The following EHBP1 variants were observed in gnomAD, a reference collection of about 807,000 sequenced individuals.
EHBP1 encodes the protein EH domain binding protein 1.
Under a neutral mutation model 144.0 loss-of-function variants are expected in EHBP1, and 55 were observed. The ratio of observed to expected loss-of-function variants is 0.38; its 90% CI spans 0.31 to 0.48. The LOEUF (loss-of-function observed/expected upper bound fraction) is 0.48, where lower values mean the gene tolerates loss of function less well. Among genes scored for constraint, EHBP1 ranks in the 20% least tolerant of loss-of-function variants. The pLI is 0.98. For missense variants in EHBP1, 1,200 were observed against 1,364.2 expected (o/e 0.88, Z 1.90); for synonymous variants, 469 against 472.7 (o/e 0.99, Z 0.10).
At chr2:62,749,599 C>G (rs538182746) in intron 3 of EHBP1, among the ~76,000 whole-genome samples, 1 of 152,324 alleles carries the variant, frequency 6.6e-6, no homozygotes, top group Non-Finnish European at 1.5e-5. Flanking sequence ...TACAGTCCTA[C>G]CAACAGTGTA....
intron 14 of EHBP1, among the ~76,000 whole-genome samples, chr2:62,961,693 T>C (rs1428276796): frequency 6.6e-6 from 1 of 152,182 alleles, no homozygotes; most frequent in Non-Finnish European, 1.5e-5. Context: ...TATTTCTTTT[T>C]TTATTATTTT....
chr2:62,771,423 A>G (rs768015523), intron 5 of EHBP1, 31 bp downstream of exon 5: 3 of 1,538,320 alleles, frequency 2.0e-6, no homozygotes, highest in Non-Finnish European at 2.6e-6. Flanking sequence ...TTCACCTTTC[A>G]CATTTTCAAC....
intron 2 of EHBP1, among the ~76,000 whole-genome samples, chr2:62,724,578 G>T (rs965215381): frequency 6.6e-6 from 1 of 152,006 alleles, no homozygotes; most frequent in Non-Finnish European, 1.5e-5. Context: ...TTCTTTTGTT[G>T]GTCCTTTTTC....
rs563096106 is a variant in EHBP1, at chr2:62,996,826, T to C, written c.3103+60T>C. ...CAAATTGAGCGTTCACAAACTCTTA[T>C]AGAGTTTTGGAAGTGTGAATCTTTG... On this transcript the variant is annotated intron_variant, in intron 19 of 22. Coordinates refer to ENST00000431489, the MANE Select transcript of EHBP1 (RefSeq NM_001142616.3). 1,412 of 1,582,568 alleles carry C rather than the reference T, an allele frequency of 8.9e-4. 2 individuals carry two copies. Among genetic ancestry groups the C allele is most frequent in the Non-Finnish European group, 1.2e-3 (1,349 of 1,168,910 alleles).
intron 9 of EHBP1, among the ~76,000 whole-genome samples, chr2:62,868,586 G>C (rs1237911214): frequency 6.6e-6 from 1 of 152,114 alleles, no homozygotes; most frequent in Admixed American, 6.5e-5. Flanking sequence ...TGGCAGAAAT[G>C]ATTTGCAATA....
intron 2 of EHBP1, among the ~76,000 whole-genome samples, chr2:62,707,649 C>T (rs1379681785): frequency 1.3e-5 from 2 of 151,946 alleles, no homozygotes; most frequent in East Asian, 1.9e-4. Flanking sequence ...AGCATTAATC[C>T]GTATATTTTA....
intron 19 of EHBP1, among the ~76,000 whole-genome samples, chr2:63,025,919 G>A (rs1168670188): frequency 6.6e-6 from 1 of 152,194 alleles, no homozygotes; most frequent in Non-Finnish European, 1.5e-5. Context: ...TTGGAAAGGG[G>A]AATGTCTAAT....
chr2:62,680,551 G>A (rs1448636832), intron 1 of EHBP1, among the ~76,000 whole-genome samples: 1 of 152,162 alleles, frequency 6.6e-6, no homozygotes, highest in Non-Finnish European at 1.5e-5. Context: ...AATTATTGTT[G>A]CATTGCAGTG....
At chr2:63,019,835 GGAAGGAA>G (rs1559074878) in intron 19 of EHBP1, among the ~76,000 whole-genome samples, 1,321 of 63,856 alleles carry the variant, frequency 0.021, 95 homozygotes, top group East Asian at 0.051. Flanking sequence ...GGGGAGGGAA[GGAAGGAA>G]GGAAGGAAGG....
At chr2:62,908,496 G>A (rs1262051158) in intron 10 of EHBP1, among the ~76,000 whole-genome samples, 2 of 151,648 alleles carry the variant, frequency 1.3e-5, no homozygotes, top group Non-Finnish European at 2.9e-5. Context: ...AGTTTCTTAA[G>A]GTGGAGGCTG....
At chr2:62,952,620 C>T (rs184047839) in intron 13 of EHBP1, among the ~76,000 whole-genome samples, 379 of 152,230 alleles carry the variant, frequency 2.5e-3, no homozygotes, top group Admixed American at 7.1e-3. Flanking sequence ...CTTTACAACT[C>T]ATAAGGTAAG....
chr2:62,775,700 T>C (rs1209950983), intron 5 of EHBP1, among the ~76,000 whole-genome samples: 3 of 152,174 alleles, frequency 2.0e-5, no homozygotes, highest in Non-Finnish European at 2.9e-5. Context: ...CTATGTATAA[T>C]AGAATGCTTT....
intron 10 of EHBP1, among the ~76,000 whole-genome samples, chr2:62,902,501 T>G (rs568786510): frequency 6.6e-6 from 1 of 152,148 alleles, no homozygotes; most frequent in East Asian, 1.9e-4. Context: ...CTTTTTGTAT[T>G]ACAAAGATGT....
At chr2:62,945,108 T>C (rs1160699322) in intron 12 of EHBP1, among the ~76,000 whole-genome samples, 1 of 152,230 alleles carries the variant, frequency 6.6e-6, no homozygotes, top group African/African-American at 2.4e-5. Context: ...ATCACAGATA[T>C]TTTCGATATT....
At chr2:62,690,295 G>A (rs1444370421) in intron 1 of EHBP1, among the ~76,000 whole-genome samples, 1 of 152,164 alleles carries the variant, frequency 6.6e-6, no homozygotes, top group African/African-American at 2.4e-5. Context: ...TGGGCACGGT[G>A]GCTCACGCTT....
At chr2:62,720,944 G>A (rs1002785320) in intron 2 of EHBP1, among the ~76,000 whole-genome samples, 1 of 152,088 alleles carries the variant, frequency 6.6e-6, no homozygotes, top group Non-Finnish European at 1.5e-5. Context: ...ACATCACCCA[G>A]CTTTTTTTGG....
rs769249881 is a variant in EHBP1, at chr2:62,874,429, G to A, written c.1082G>A (p.Arg361Gln). 53 of 1,613,474 alleles carry A rather than the reference G, an allele frequency of 3.3e-5. No individual in the cohort carries two copies. Among genetic ancestry groups the A allele is most frequent in the African/African-American group, 3.1e-4 (23 of 74,876 alleles). Reference sequence around the variant, plus strand: ...GTTCAAGAACTAGAAACTGAAAGGCGAGTGAAAAGAAAGGCCCCGGCTCCA... The same window carrying A: ...GTTCAAGAACTAGAAACTGAAAGGCAAGTGAAAAGAAAGGCCCCGGCTCCA... ...NPVQELETER[R>Q]VKRKAPAPPV... is the part of the protein sequence containing the mutation. The change falls in exon 10 of 23, where the codon CGA becomes CAA. Residue 361 changes from arginine (R) to glutamine (Q), a missense_variant. Arg to Gln is a conservative substitution (Grantham distance 43). This residue lies in a region of EHBP1 where 266 missense variants were observed against 262.4 expected (regional missense o/e 1.01). Coordinates refer to ENST00000431489, the MANE Select transcript of EHBP1 (RefSeq NM_001142616.3).
intron 2 of EHBP1, among the ~76,000 whole-genome samples, chr2:62,724,788 A>G (rs2036581329): frequency 6.6e-6 from 1 of 152,170 alleles, no homozygotes; most frequent in African/African-American, 2.4e-5. Context: ...AGTGAGCATT[A>G]CTACCTGAAA....
At chr2:62,830,691 G>C (rs1448287869) in intron 6 of EHBP1, among the ~76,000 whole-genome samples, 1 of 152,032 alleles carries the variant, frequency 6.6e-6, no homozygotes, top group Non-Finnish European at 1.5e-5. Context: ...TTGCTTTGGG[G>C]TTCTTGGTCG....
Sources: allele counts gnomAD v4.1 joint callset (sites outside exome capture counted in the v4.1 genomes callset), GRCh38; gene constraint gnomAD v4.1.1; regional missense constraint gnomAD v4.1.1; transcripts MANE v1.5; gene names NCBI Gene and HGNC (gene_info 2026-07-23, HGNC 2026-07-21).